NRG3: variants seen among roughly 807,000 people sequenced by gnomAD.
NRG3 encodes the protein neuregulin 3.
Under a neutral mutation model 66.9 loss-of-function variants are expected in NRG3, and 31 were observed. The observed-to-expected ratio is 0.46, with a 90% CI of 0.35 to 0.63. The LOEUF is 0.63. Ranked by LOEUF, NRG3 falls within the 20% of genes least tolerant of loss-of-function variation. NRG3 has a pLI of 0.00. For missense variants in NRG3, 910 were observed against 878.9 expected, an observed-to-expected ratio of 1.04 and a Z score of -0.45; for synonymous variants, 393 against 359.4, an observed-to-expected ratio of 1.09 and a Z score of -1.06.
At chr10:82,433,761 A>T (rs2089965648) in intron 2 of NRG3, among the ~76,000 whole-genome samples, 1 of 151,934 alleles carries the variant, frequency 6.6e-6, no homozygotes, top group Admixed American at 6.6e-5. Context: ...ATGGTTGTAG[A>T]TGTGTGATGT....
chr10:81,915,126 G>T (rs1589440758), intron 1 of NRG3, among the ~76,000 whole-genome samples: 1 of 152,100 alleles, frequency 6.6e-6, no homozygotes, highest in African/African-American at 2.4e-5. Flanking sequence ...TTGGAAATTA[G>T]GTATTAAATA....
intron 4 of NRG3, among the ~76,000 whole-genome samples, chr10:82,918,006 C>CTATA (rs879475401): frequency 9.0e-6 from 1 of 111,508 alleles, no homozygotes; most frequent in Non-Finnish European, 1.8e-5. Flanking sequence ...ATGTATGTAT[C>CTATA]TCTCTCTATA....
intron 2 of NRG3, among the ~76,000 whole-genome samples, chr10:82,675,255 C>G (rs2053599677): frequency 6.6e-6 from 1 of 152,062 alleles, no homozygotes; most frequent in Non-Finnish European, 1.5e-5. Flanking sequence ...CTGCACCCGG[C>G]CTTGGGGTTT....
At chr10:82,313,835 C>T (rs1301431997) in intron 1 of NRG3, among the ~76,000 whole-genome samples, 1 of 152,170 alleles carries the variant, frequency 6.6e-6, no homozygotes, top group East Asian at 1.9e-4. Context: ...GCTAAATGAG[C>T]AGTGCTAAGT....
At chr10:82,549,568 T>A (rs2044166563) in intron 2 of NRG3, among the ~76,000 whole-genome samples, 1 of 152,156 alleles carries the variant, frequency 6.6e-6, no homozygotes, top group African/African-American at 2.4e-5. Flanking sequence ...CTGCCTGAGA[T>A]TCTGCTATAT....
At chr10:82,613,522 A>T (rs2048439567) in intron 2 of NRG3, among the ~76,000 whole-genome samples, 1 of 151,758 alleles carries the variant, frequency 6.6e-6, no homozygotes, top group Non-Finnish European at 1.5e-5. Flanking sequence ...ACATAAAATT[A>T]ATATTTTTAA....
intron 3 of NRG3, among the ~76,000 whole-genome samples, chr10:82,786,856 G>A (rs2060386923): frequency 6.6e-6 from 1 of 152,038 alleles, no homozygotes; most frequent in Non-Finnish European, 1.5e-5. Flanking sequence ...CATGGGAATG[G>A]GTTTCTGATA....
intron 1 of NRG3, among the ~76,000 whole-genome samples, chr10:82,099,058 C>T (rs1249812879): frequency 6.6e-6 from 1 of 152,186 alleles, no homozygotes; most frequent in African/African-American, 2.4e-5. Flanking sequence ...AGCCACCACA[C>T]CTGGCCTAGG....
In NRG3 at chr10:82,202,019, A is replaced by G. The variant is rs145148880; in HGVS notation, c.824-156720A>G. On this transcript the variant is annotated intron_variant, in intron 1 of 8. Transcript: ENST00000372141. ...AATCAAAGGAAAGGAAGAGGAAGAA[A>G]CAGGTATTTCTTGAAGACCTACTGA... is the stretch of plus-strand genomic sequence containing the variant. 8.6e-3 allele frequency among the ~76,000 whole-genome samples: 1,316 copies of G among 152,328 alleles called. 8 individuals carry two copies. The highest frequency in any genetic ancestry group is 0.014 in the Non-Finnish European group (941 of 68,024).
chr10:82,377,925 T>C (rs1026975867), intron 2 of NRG3, among the ~76,000 whole-genome samples: 1 of 152,204 alleles, frequency 6.6e-6, no homozygotes, highest in Non-Finnish European at 1.5e-5. Flanking sequence ...AGTAAAAACT[T>C]GCTGTAGTGT....
At chr10:82,080,836 A>G (rs1221142086) in intron 1 of NRG3, among the ~76,000 whole-genome samples, 1 of 152,178 alleles carries the variant, frequency 6.6e-6, no homozygotes, top group Non-Finnish European at 1.5e-5. Flanking sequence ...ACCACTATCT[A>G]TACCCAAAAC....
intron 2 of NRG3, among the ~76,000 whole-genome samples, chr10:82,479,432 CT>C (rs1842048038): frequency 6.6e-6 from 1 of 151,388 alleles, no homozygotes; most frequent in African/African-American, 2.4e-5. Flanking sequence ...GGCGCGGTGG[CT>C]CATGCCTGTA....
chr10:82,786,180 A>C (rs1462338863), intron 3 of NRG3, among the ~76,000 whole-genome samples: 6 of 152,092 alleles, frequency 3.9e-5, no homozygotes, highest in African/African-American at 1.4e-4. Flanking sequence ...CCCCAGAACT[A>C]CAGAGCAACC....
chr10:82,966,351 T>C (rs916641089), intron 6 of NRG3, among the ~76,000 whole-genome samples: 2 of 152,194 alleles, frequency 1.3e-5, no homozygotes, highest in African/African-American at 4.8e-5. Flanking sequence ...TGATCAGTAC[T>C]GGTAAAGAAT....
intron 1 of NRG3, among the ~76,000 whole-genome samples, chr10:82,012,987 C>T (rs1411350138): frequency 6.6e-6 from 1 of 152,170 alleles, no homozygotes. Context: ...TTACCCAGTT[C>T]CAATGTCACT....
At chr10:82,881,372 G>A (rs1176312675) in intron 4 of NRG3, among the ~76,000 whole-genome samples, 1 of 152,168 alleles carries the variant, frequency 6.6e-6, no homozygotes, top group Non-Finnish European at 1.5e-5. Context: ...TATTAATGAA[G>A]TAATAACAGC....
intron 1 of NRG3, among the ~76,000 whole-genome samples, chr10:82,110,678 A>C (rs2067333249): frequency 6.6e-6 from 1 of 152,132 alleles, no homozygotes; most frequent in Non-Finnish European, 1.5e-5. Context: ...TCAAAGAGCA[A>C]CTAGAAGGTG....
intron 3 of NRG3, among the ~76,000 whole-genome samples, chr10:82,820,145 T>C (rs1221872645): frequency 1.3e-5 from 2 of 152,194 alleles, no homozygotes; most frequent in African/African-American, 4.8e-5. Context: ...GGAGTGATTC[T>C]TCCTTAAAGG....
chr10:82,114,756 T>C (rs1405559234), intron 1 of NRG3, among the ~76,000 whole-genome samples: 3 of 152,146 alleles, frequency 2.0e-5, no homozygotes, highest in African/African-American at 7.2e-5. Context: ...TCTCTAAAAA[T>C]TAAATTTCCC....
Sources: gnomAD v4.1 joint callset for allele counts (sites outside exome capture counted in the v4.1 genomes callset) on GRCh38, gnomAD v4.1.1 for gene constraint, MANE v1.5 for transcripts, NCBI Gene and HGNC (gene_info 2026-07-23, HGNC 2026-07-21) for gene names.